IP6K3: variants seen among roughly 807,000 people sequenced by gnomAD.
The protein encoded by IP6K3 is inositol hexakisphosphate kinase 3.
Under a neutral mutation model 28.8 loss-of-function variants are expected in IP6K3, and 20 were observed. The ratio of observed to expected loss-of-function variants is 0.70; its 90% CI spans 0.49 to 1.01. The LOEUF (loss-of-function observed/expected upper bound fraction) is 1.01, where lower values mean the gene tolerates loss of function less well. Among genes scored for constraint, IP6K3 ranks in the 50% least tolerant of loss-of-function variants. IP6K3 has a pLI of 0.00. For synonymous variants in IP6K3, 213 were observed against 221.3 expected, an observed-to-expected ratio of 0.96 and a Z score of 0.33; for missense variants, 480 against 537.1, an observed-to-expected ratio of 0.89 and a Z score of 1.05.
chr6:33,722,502 T>C lies in IP6K3; in HGVS notation c.*218A>G, dbSNP rs1221031534. 5 of 419,196 alleles carry C rather than the reference T, an allele frequency of 1.2e-5. No individual in the cohort carries two copies. Among genetic ancestry groups the C allele is most frequent in the South Asian group, 9.4e-5 (2 of 21,180 alleles). 26.0% of individuals were successfully genotyped at this position (419,196 alleles called of 1,614,324 possible). ...TTTATCCTGGCTGTCTGTTCTCCGA[T>C]GAGCAGCATTAGAGCATAATGCCAG... On this transcript the variant is annotated 3_prime_UTR_variant, in exon 6 of 6. Coordinates refer to ENST00000293756, the MANE Select transcript of IP6K3 (RefSeq NM_054111.5).
chr6:33,732,265 C>G (rs978184361), intron 2 of IP6K3, among the ~76,000 whole-genome samples: 4 of 152,186 alleles, frequency 2.6e-5, no homozygotes, highest in African/African-American at 9.6e-5. Context: ...GAGTGGCATC[C>G]CTGCCCATCA....
At chr6:33,728,428 C>T in intron 2 of IP6K3, 128 bp from the exon 3 acceptor site, 7 of 812,324 alleles carry the variant, frequency 8.6e-6, no homozygotes, top group Non-Finnish European at 1.2e-5. Flanking sequence ...TCCCCAGCTC[C>T]TCTCTCAAGG....
In IP6K3 at chr6:33,746,125, C is replaced by T. The variant is rs1766898811; in HGVS notation, c.-180+633G>A. Among the ~76,000 whole-genome samples, 1 of 152,122 alleles carries T rather than the reference C, an allele frequency of 6.6e-6. No homozygotes were observed. Among genetic ancestry groups the T allele is most frequent in the African/African-American group, 2.4e-5 (1 of 41,420 alleles). On this transcript the variant is annotated intron_variant, in intron 1 of 5. Transcript: ENST00000293756. The surrounding 1 kb of genome is among the most constrained non-coding windows in gnomAD (Gnocchi z 6.5). ...GTCATGGGTGGGGGCCAAGACTCCA[C>T]CACTGCCCAGGGCATCAGGGACCAC...
At chr6:33,747,895 G>A (rs763176097), upstream of IP6K3, among the ~76,000 whole-genome samples, 2 of 152,142 alleles carry the variant, frequency 1.3e-5, no homozygotes, top group African/African-American at 4.8e-5. The surrounding 1 kb of genome is among the most constrained non-coding windows in gnomAD (Gnocchi z 5.2). Context: ...AGAGGGGGCA[G>A]TGTGGGGAAG....
rs751301300 is a variant in IP6K3 at position 33,725,530 on chromosome 6, C to T, written c.676G>A (p.Asp226Asn). Residue 226 changes from aspartate to asparagine, a missense_variant, in exon 5 of 6, where the codon GAT (aspartate) becomes AAT (asparagine). Transcript: ENST00000293756. ...LKMGTRQHGD[D>N]ASEEKKARHM... ...CGGGCCTTCTTCTCCTCCGATGCAT[C>T]ATCGCCGTGCTGCCGGGTCCCCATC... is the stretch of plus-strand genomic sequence containing the variant. 3 of 1,614,184 alleles carry T rather than the reference C, an allele frequency of 1.9e-6. No homozygotes were observed. Among genetic ancestry groups the T allele is most frequent in the South Asian group, 1.1e-5 (1 of 91,086 alleles).
intron 1 of IP6K3, among the ~76,000 whole-genome samples, chr6:33,741,975 CAAA>C (rs10562436): frequency 2.1e-4 from 31 of 147,138 alleles, no homozygotes; most frequent in Middle Eastern, 3.5e-3. Flanking sequence ...CAAAAACAAG[CAAA>C]AAAAAAAAAA....
At chr6:33,758,144 G>A in the IP6K3 span, among the ~76,000 whole-genome samples, 70 of 152,284 alleles carry the variant, frequency 4.6e-4, no homozygotes, top group African/African-American at 1.6e-3. Context: ...TCAGATTACC[G>A]GAGGTATGTG....
chr6:33,728,267 G>A lies in IP6K3; in HGVS notation c.233C>T (p.Thr78Ile), dbSNP rs753469284. ...TVTVHLWKDS[T>I]GHLSLVANPV... is the part of the protein sequence containing the mutation. Reference sequence around the variant, plus strand: ...GTTGGCAACCAAGCTGAGATGGCCTGTGCTGTCTTTCCAGAGGTGCACTGT... The same window carrying A: ...GTTGGCAACCAAGCTGAGATGGCCTATGCTGTCTTTCCAGAGGTGCACTGT... Residue 78 changes from threonine to isoleucine, a missense_variant, in exon 3 of 6, where the codon ACA becomes ATA. Thr to Ile is a moderately conservative substitution (Grantham distance 89, BLOSUM62 -1). Transcript: ENST00000293756. 2 of 1,614,106 alleles carry A rather than the reference G, an allele frequency of 1.2e-6. No individual in the cohort carries two copies. Among genetic ancestry groups the A allele is most frequent in the East Asian group, 2.2e-5 (1 of 44,900 alleles).
chr6:33,761,942 T>G, the IP6K3 span, among the ~76,000 whole-genome samples: 2 of 152,036 alleles, frequency 1.3e-5, no homozygotes, highest in Admixed American at 6.5e-5. Context: ...CAGCCTGCTG[T>G]GTGGCACTCA....
the IP6K3 span, among the ~76,000 whole-genome samples, chr6:33,756,626 C>T: frequency 3.3e-5 from 5 of 152,242 alleles, no homozygotes; most frequent in Non-Finnish European, 7.4e-5. Context: ...TTTCGTGTAT[C>T]ATGAAGCCAG....
intron 2 of IP6K3, among the ~76,000 whole-genome samples, chr6:33,731,201 C>T (rs571359849): frequency 7.2e-5 from 11 of 152,252 alleles, no homozygotes; most frequent in African/African-American, 2.6e-4. Context: ...CCTGGTGTGC[C>T]GGTCCTGTGC....
At chr6:33,745,568 G>T (rs78499595) in intron 1 of IP6K3, among the ~76,000 whole-genome samples, 3,382 of 152,256 alleles carry the variant, frequency 0.022, 106 homozygotes, top group African/African-American at 0.075. Flanking sequence ...TCACCATGGT[G>T]GGGGGTCGGG....
intron 2 of IP6K3, among the ~76,000 whole-genome samples, chr6:33,734,868 G>C (rs791903): frequency 0.52 from 79,686 of 152,120 alleles, 22,131 homozygotes; most frequent in African/African-American, 0.65. Context: ...TCCCAGGCCT[G>C]AGGGTCCCGC....
intron 5 of IP6K3, 26 bp downstream of exon 5, chr6:33,725,415 C>G (rs7449640): frequency 3.4e-5 from 54 of 1,593,710 alleles, no homozygotes; most frequent in African/African-American, 1.9e-4. Flanking sequence ...GATGTCCCCC[C>G]CTGTGGTGGG....
rs1245296724 is a variant in IP6K3 at position 33,722,991 on chromosome 6, A to T, written c.962T>A (p.Phe321Tyr). 3 of 1,613,868 alleles carry T rather than the reference A, an allele frequency of 1.9e-6. No individual in the cohort carries two copies. The highest frequency in any genetic ancestry group is 3.3e-5 in the Admixed American group (2 of 59,974). ...GATGACAAGGAGAGAGCTGGAATAG[A>T]AGCGGTATGAACTCTGGCTCCTAAT... Reference protein sequence around the residue: ...SVIRSQSSYRFYSSSLLVIYD... With the variant: ...SVIRSQSSYRYYSSSLLVIYD... The change falls in exon 6 of 6, where the codon TTC becomes TAC. Residue 321 changes from phenylalanine to tyrosine, a missense_variant. Transcript: ENST00000293756.
At chr6:33,751,261 G>T (rs531703943), upstream of IP6K3, among the ~76,000 whole-genome samples, 62 of 152,304 alleles carry the variant, frequency 4.1e-4, no homozygotes, top group Non-Finnish European at 8.1e-4. The surrounding 1 kb of genome is among the most constrained non-coding windows in gnomAD (Gnocchi z 4.3). Flanking sequence ...TCAGGTCGTT[G>T]CATCAGAGCC....
Position 33,723,151 on chromosome 6 carries a change from C to A in IP6K3, c.802G>T (p.Asp268Tyr). The part of the protein sequence containing the change: ...QTDKKYFLCK[D>Y]KYYGRKLSVE... ...GAGAGTTTTCTTCCATAGTACTTGT[C>A]TTTGCAGAGAAAGTACTTCTTATCT... The change falls in exon 6 of 6, where the codon GAC becomes TAC. Residue 268 changes from aspartate to tyrosine, a missense_variant. Asp to Tyr is a radical substitution (Grantham distance 160). Coordinates refer to ENST00000293756, the MANE Select transcript of IP6K3 (RefSeq NM_054111.5). 1.2e-6 allele frequency: 2 copies of A among 1,601,178 alleles called. No individual in the cohort carries two copies. The highest frequency in any genetic ancestry group is 1.7e-6 in the Non-Finnish European group (2 of 1,173,738).
At chr6:33,738,672 C>G (rs1324979205) in intron 1 of IP6K3, among the ~76,000 whole-genome samples, 1 of 152,172 alleles carries the variant, frequency 6.6e-6, no homozygotes, top group Non-Finnish European at 1.5e-5. Flanking sequence ...GGATTTGAAC[C>G]CAGGCATGGT....
chr6:33,761,110 G>T, the IP6K3 span, among the ~76,000 whole-genome samples: 1 of 152,118 alleles, frequency 6.6e-6, no homozygotes, highest in African/African-American at 2.4e-5. Context: ...CTCTGGCTTG[G>T]TTTTGGCAGG....
Sources: gnomAD v4.1 joint callset for allele counts (sites outside exome capture counted in the v4.1 genomes callset) on GRCh38, gnomAD v4.1.1 for gene constraint, Gnocchi (gnomAD v3.1) non-coding constraint, MANE v1.5 for transcripts, NCBI Gene and HGNC (gene_info 2026-07-23, HGNC 2026-07-21) for gene names.